PCDH11X: variants seen among roughly 807,000 people sequenced by gnomAD.
PCDH11X encodes protocadherin-11 X-linked.
Under a neutral mutation model 53.3 loss-of-function variants are expected in PCDH11X, and 18 were observed. That is an observed-to-expected ratio of 0.34 (90% confidence interval 0.23 to 0.50). The LOEUF (loss-of-function observed/expected upper bound fraction) is 0.50, where lower values mean the gene tolerates loss of function less well. Ranked by LOEUF, PCDH11X falls within the 20% of genes least tolerant of loss-of-function variation. The probability of loss-of-function intolerance (pLI) is 0.98; values close to 1 mark genes in which losing one functional copy is unlikely to be tolerated. For missense variants in PCDH11X, 570 were observed against 1,032.4 expected, an observed-to-expected ratio of 0.55 and a Z score of 6.14; for synonymous variants, 279 against 393.3, an observed-to-expected ratio of 0.71 and a Z score of 3.44.
chrX:92,127,730 C>T (rs1282954474), intron 6 of PCDH11X, among the ~76,000 whole-genome samples: 3 of 109,839 alleles, frequency 2.7e-5, no homozygotes, highest in African/African-American at 9.9e-5. Flanking sequence ...ACCATGTTAG[C>T]CAGCATGATC....
At chrX:92,507,104 C>A (rs1276441966) in intron 10 of PCDH11X, among the ~76,000 whole-genome samples, 1 of 110,261 alleles carries the variant, frequency 9.1e-6, no homozygotes, top group Non-Finnish European at 1.9e-5. Flanking sequence ...TTATTTGTAT[C>A]TTCCCTCTTT....
At chrX:92,613,588 C>A (rs1181248535) in intron 10 of PCDH11X, among the ~76,000 whole-genome samples, 1 of 102,301 alleles carries the variant, frequency 9.8e-6, no homozygotes, top group Non-Finnish European at 2.0e-5. Flanking sequence ...TGTGTGTTAA[C>A]CCTGGACAGT....
At chrX:92,534,877 C>G (rs1437115447) in intron 10 of PCDH11X, among the ~76,000 whole-genome samples, 1 of 111,750 alleles carries the variant, frequency 8.9e-6, no homozygotes. Flanking sequence ...ACCACCAGGC[C>G]TGCCTTACAA....
chrX:91,780,501 T>C (rs1456508970), intron 1 of PCDH11X, among the ~76,000 whole-genome samples: 1 of 112,651 alleles, frequency 8.9e-6, no homozygotes, highest in Non-Finnish European at 1.9e-5. Context: ...AAAGGGTTCC[T>C]CTTTCTCTAA....
intron 8 of PCDH11X, among the ~76,000 whole-genome samples, chrX:92,300,454 TTTG>T (rs202104309): frequency 4.5e-5 from 5 of 110,498 alleles, no homozygotes; most frequent in African/African-American, 6.6e-5. Flanking sequence ...TATTCTTTGT[TTTG>T]TTGTTGTTGT....
chrX:92,448,573 A>C (rs1250385460), intron 9 of PCDH11X, among the ~76,000 whole-genome samples: 1 of 93,425 alleles, frequency 1.1e-5, no homozygotes, highest in African/African-American at 4.0e-5. Flanking sequence ...ATGTTCATTA[A>C]ACCCTTTTCC....
chrX:92,233,368 T>G (rs1162474472), intron 7 of PCDH11X, among the ~76,000 whole-genome samples: 2 of 111,665 alleles, frequency 1.8e-5, no homozygotes, highest in African/African-American at 6.5e-5. Context: ...AGGAACAATA[T>G]GACATAGGCC....
intron 8 of PCDH11X, among the ~76,000 whole-genome samples, chrX:92,266,413 A>C (rs1028715652): frequency 8.9e-6 from 1 of 112,232 alleles, no homozygotes; most frequent in Middle Eastern, 4.7e-3. Flanking sequence ...AGTCTAAAAC[A>C]TCAAAGAAGA....
chrX:91,899,513 A>G (rs891607425), intron 6 of PCDH11X, among the ~76,000 whole-genome samples: 24 of 110,594 alleles, frequency 2.2e-4, no homozygotes, highest in African/African-American at 6.9e-4. Context: ...AATCAAGTTG[A>G]CACTCAATGT....
At chrX:92,352,595 T>A (rs2148528121) in intron 8 of PCDH11X, among the ~76,000 whole-genome samples, 1 of 110,426 alleles carries the variant, frequency 9.1e-6, no homozygotes, top group African/African-American at 3.3e-5. Flanking sequence ...GCTTTTCTGG[T>A]TCTTTCTCAT....
Position 91,993,867 on chromosome X carries a change from A to G in PCDH11X, c.3033+114594A>G, listed in dbSNP as rs2062366798. Among the ~76,000 whole-genome samples the G allele has an allele frequency of 3.8e-5, 4 of 106,170 alleles. No individual in the cohort carries two copies. The South Asian group carries it at 1.7e-3, about 46-fold the overall frequency. The allele number at this position is 106,170 out of a possible 115,157, so 92.2% of individuals were successfully genotyped here. A position where few individuals can be genotyped will look rare whatever the true frequency, so the allele number is the denominator to read the frequency against. ...TTGGCCTGACTTCATTTACACTTAC[A>G]TTTATTATTAATGTCAAGAATAACA... On this transcript the variant is annotated intron_variant, in intron 6 of 10. Coordinates refer to ENST00000682573, the MANE Select transcript of PCDH11X (RefSeq NM_032968.5).
intron 7 of PCDH11X, among the ~76,000 whole-genome samples, chrX:92,214,919 A>G (rs1187351462): frequency 3.6e-5 from 4 of 111,557 alleles, no homozygotes; most frequent in African/African-American, 9.8e-5. Context: ...GTGCTAACAC[A>G]TGCCTGTAGT....
chrX:91,906,047 T>C (rs1328003475), intron 6 of PCDH11X, among the ~76,000 whole-genome samples: 2 of 110,777 alleles, frequency 1.8e-5, no homozygotes, highest in Non-Finnish European at 3.8e-5. Context: ...TCTATGTACA[T>C]ATAAGATCTT....
At chrX:92,122,703 G>A (rs1281430782) in intron 6 of PCDH11X, among the ~76,000 whole-genome samples, 6 of 111,273 alleles carry the variant, frequency 5.4e-5, no homozygotes, top group African/African-American at 1.6e-4. Flanking sequence ...TTGGTAGGCC[G>A]AGGCGAGTGG....
intron 8 of PCDH11X, among the ~76,000 whole-genome samples, chrX:92,343,040 A>G (rs2069803596): frequency 8.9e-6 from 1 of 112,186 alleles, no homozygotes; most frequent in Admixed American, 9.5e-5. Flanking sequence ...AGTGTTTTAT[A>G]TAATCAGAAT....
chrX:91,825,281 C>T lies in PCDH11X; in HGVS notation c.-44-10180C>T, dbSNP rs764405561. ...GGGTGCCCCTCCCCCAGCCTCGCTG[C>T]CACCTTGCAGTTTGATCTCAGACTG... On this transcript the variant is annotated intron_variant, in intron 4 of 10. Coordinates refer to ENST00000682573, the MANE Select transcript of PCDH11X (RefSeq NM_032968.5). 9.4e-3 allele frequency among the ~76,000 whole-genome samples: 1,039 copies of T among 110,641 alleles called. 17 individuals are homozygous for T. Among genetic ancestry groups the T allele is most frequent in the African/African-American group, 0.033 (989 of 29,700 alleles).
intron 7 of PCDH11X, among the ~76,000 whole-genome samples, chrX:92,254,871 A>G (rs2067535312): frequency 9.3e-6 from 1 of 107,099 alleles, no homozygotes; most frequent in African/African-American, 3.4e-5. Context: ...GCTGCCCTTA[A>G]CATTTTTTCC....
chrX:92,214,893 C>CA (rs1258327363), intron 7 of PCDH11X, among the ~76,000 whole-genome samples: 17 of 110,627 alleles, frequency 1.5e-4, no homozygotes, highest in African/African-American at 3.3e-4. Context: ...TACTAAAATA[C>CA]AAAAAAAATC....
chrX:92,267,846 T>C (rs1274534152), intron 8 of PCDH11X, among the ~76,000 whole-genome samples: 1 of 112,048 alleles, frequency 8.9e-6, no homozygotes, highest in Non-Finnish European at 1.9e-5. Flanking sequence ...CATCATAACA[T>C]GGTGGAAGGC....
Sources: allele counts gnomAD v4.1 joint callset (sites outside exome capture counted in the v4.1 genomes callset), GRCh38; gene constraint gnomAD v4.1.1; transcripts MANE v1.5; gene names NCBI Gene and HGNC (gene_info 2026-07-23, HGNC 2026-07-21).